CNTNAP2: variants seen among roughly 807,000 people sequenced by gnomAD.
The protein encoded by CNTNAP2 is contactin associated protein 2.
Under a neutral mutation model 155.2 loss-of-function variants are expected in CNTNAP2, and 98 were observed. That is an observed-to-expected ratio of 0.63 (90% CI 0.54 to 0.75). The LOEUF (loss-of-function observed/expected upper bound fraction) is 0.75, where lower values mean the gene tolerates loss of function less well. Ranked by LOEUF, CNTNAP2 falls within the 30% of genes least tolerant of loss-of-function variation. The pLI, the probability that CNTNAP2 is intolerant of heterozygous loss-of-function variation, is 0.00. For synonymous variants in CNTNAP2, 651 were observed against 631.2 expected (o/e 1.03, Z -0.47); for missense variants, 1,727 against 1,688.1 (o/e 1.02, Z -0.40).
intron 1 of CNTNAP2, among the ~76,000 whole-genome samples, chr7:146,265,471 TC>T (rs1799981115): frequency 1.3e-5 from 2 of 150,804 alleles, no homozygotes; most frequent in Admixed American, 1.3e-4. Context: ...TTTTTTTTTT[TC>T]CTTGAGACAG....
chr7:146,543,180 T>C (rs1388735328), intron 1 of CNTNAP2, among the ~76,000 whole-genome samples: 1 of 151,954 alleles, frequency 6.6e-6, no homozygotes, highest in African/African-American at 2.4e-5. Flanking sequence ...TAAATTTTTT[T>C]TATTTAAATA....
intron 13 of CNTNAP2, among the ~76,000 whole-genome samples, chr7:147,726,430 G>A (rs1796644148): frequency 6.6e-6 from 1 of 151,974 alleles, no homozygotes; most frequent in Admixed American, 6.6e-5. Flanking sequence ...TTTATCCATA[G>A]AGCCAGTACA....
At chr7:148,014,275 A>AT (rs752242155) in intron 15 of CNTNAP2, 1 of 84,002 alleles carries the variant, frequency 1.2e-5, no homozygotes, top group African/African-American at 4.4e-5. Flanking sequence ...GCAAGTAAAC[A>AT]TAAAAAAAAA....
intron 1 of CNTNAP2, among the ~76,000 whole-genome samples, chr7:146,502,651 A>T (rs947029757): frequency 3.3e-5 from 5 of 152,028 alleles, no homozygotes; most frequent in African/African-American, 1.2e-4. Flanking sequence ...CCTCTCTTTC[A>T]TCCAGGCTGG....
At chr7:147,968,013 G>C (rs1187855107) in intron 14 of CNTNAP2, among the ~76,000 whole-genome samples, 1 of 152,116 alleles carries the variant, frequency 6.6e-6, no homozygotes, top group Non-Finnish European at 1.5e-5. Context: ...GTACATACGG[G>C]TAGCTATTTT....
At chr7:147,621,055 C>A (rs1046545730) in intron 12 of CNTNAP2, among the ~76,000 whole-genome samples, 2 of 152,096 alleles carry the variant, frequency 1.3e-5, no homozygotes, top group African/African-American at 4.8e-5. Context: ...TGAAACCTTA[C>A]AGACCAGGAG....
intron 13 of CNTNAP2, among the ~76,000 whole-genome samples, chr7:147,778,905 T>C (rs1270427605): frequency 6.6e-6 from 1 of 152,208 alleles, no homozygotes; most frequent in Non-Finnish European, 1.5e-5. Flanking sequence ...AAACCCATAG[T>C]TGACCTCTTA....
chr7:146,344,040 A>G (rs866058114), intron 1 of CNTNAP2, among the ~76,000 whole-genome samples: 5 of 152,202 alleles, frequency 3.3e-5, no homozygotes, highest in South Asian at 2.1e-4. Flanking sequence ...GACTAAAGAT[A>G]AAAGAGGAAA....
At chr7:147,426,129 T>A (rs796669216) in intron 10 of CNTNAP2, among the ~76,000 whole-genome samples, 4 of 152,124 alleles carry the variant, frequency 2.6e-5, no homozygotes, top group African/African-American at 9.6e-5. Flanking sequence ...GCTGAATATG[T>A]GACGATGTGT....
chr7:146,726,923 C>T (rs1272845462), intron 1 of CNTNAP2, among the ~76,000 whole-genome samples: 1 of 152,096 alleles, frequency 6.6e-6, no homozygotes, highest in Non-Finnish European at 1.5e-5. Context: ...ATAAACCACA[C>T]AGTCATGCCC....
At chr7:147,169,307 C>A (rs1362062699) in intron 8 of CNTNAP2, among the ~76,000 whole-genome samples, 2 of 152,106 alleles carry the variant, frequency 1.3e-5, no homozygotes, top group African/African-American at 4.8e-5. Context: ...TTAGATACAG[C>A]AGGTACAAGC....
intron 1 of CNTNAP2, among the ~76,000 whole-genome samples, chr7:146,689,801 T>C (rs1800666659): frequency 6.6e-6 from 1 of 152,112 alleles, no homozygotes; most frequent in Non-Finnish European, 1.5e-5. Context: ...GAAACTTTTA[T>C]GTGAATATAC....
intron 18 of CNTNAP2, among the ~76,000 whole-genome samples, chr7:148,177,460 G>A (rs1794959791): frequency 6.6e-6 from 1 of 152,212 alleles, no homozygotes. Context: ...AAGAAGCGTA[G>A]CCCTGAGAAC....
chr7:146,307,331 G>T (rs899944347), intron 1 of CNTNAP2, among the ~76,000 whole-genome samples: 1 of 152,106 alleles, frequency 6.6e-6, no homozygotes, highest in Non-Finnish European at 1.5e-5. Flanking sequence ...AATAAAAGAG[G>T]ACGCAAACAA....
chr7:147,211,094 G>A (rs1230221598), intron 8 of CNTNAP2, among the ~76,000 whole-genome samples: 1 of 151,478 alleles, frequency 6.6e-6, no homozygotes, highest in Non-Finnish European at 1.5e-5. Flanking sequence ...ATGTGCAGAT[G>A]ATAATGTATT....
chr7:148,309,377 T>C (rs1012596808), intron 21 of CNTNAP2, among the ~76,000 whole-genome samples: 15 of 152,314 alleles, frequency 9.8e-5, no homozygotes, highest in African/African-American at 3.1e-4. Flanking sequence ...TGGGAACTCA[T>C]TTTATTTGAA....
rs116721333 is a variant in CNTNAP2, at chr7:147,328,019, T to C, written c.1498+27729T>C. Among the ~76,000 whole-genome samples, 699 of 152,132 alleles carry C rather than the reference T, an allele frequency of 4.6e-3. 12 individuals are homozygous for C. Among genetic ancestry groups the C allele is most frequent in the African/African-American group, 0.016 (662 of 41,522 alleles). ...GTAGGCCAGAATAAGCTGGCACTTA[T>C]ACAAACAAAATCTAGAGACAAATTT... On this transcript the variant is annotated intron_variant, in intron 9 of 23. Coordinates refer to ENST00000361727, the MANE Select transcript of CNTNAP2 (RefSeq NM_014141.6).
At chr7:148,182,667 A>G (rs1795057737) in intron 18 of CNTNAP2, among the ~76,000 whole-genome samples, 1 of 152,216 alleles carries the variant, frequency 6.6e-6, no homozygotes, top group South Asian at 2.1e-4. Context: ...TGGTTACAAG[A>G]GTGTTTGATT....
At chr7:146,316,665 A>G (rs557838738) in intron 1 of CNTNAP2, among the ~76,000 whole-genome samples, 1 of 152,200 alleles carries the variant, frequency 6.6e-6, no homozygotes, top group African/African-American at 2.4e-5. Flanking sequence ...ACATACGTCC[A>G]TAAGATACGT....
Sources: gnomAD v4.1 joint callset for allele counts (sites outside exome capture counted in the v4.1 genomes callset) on GRCh38, gnomAD v4.1.1 for gene constraint, MANE v1.5 for transcripts, NCBI Gene and HGNC (gene_info 2026-07-23, HGNC 2026-07-21) for gene names.